MPND: variants seen among roughly 807,000 people sequenced by gnomAD.
MPND encodes MPN domain-containing protein.
In MPND, 56 loss-of-function variants were observed where a neutral mutation model predicts 59.2. The observed-to-expected ratio is 0.95, with a 90% CI of 0.76 to 1.18. The LOEUF is 1.18. MPND is among the 50% of genes most tolerant of loss of function. The pLI, the probability that MPND is intolerant of heterozygous loss-of-function variation, is 0.00. For missense variants in MPND, 671 were observed against 676.0 expected (o/e 0.99, Z 0.08); for synonymous variants, 323 against 291.9 (o/e 1.11, Z -1.09).
chr19:4,359,226 C>G lies in MPND; in HGVS notation c.1390C>G (p.Gln464Glu), dbSNP rs1972520237. The G allele has an allele frequency of 2.5e-6, 4 of 1,613,382 alleles. No individual in the cohort carries two copies. The highest frequency in any genetic ancestry group is 3.4e-6 in the Non-Finnish European group (4 of 1,179,742). ...DLVRLQEPWSQEHTYLDKLKI... is the reference protein window; with the variant it reads ...DLVRLQEPWSEEHTYLDKLKI... Reference sequence around the variant, plus strand: ...CGTGAGGCTCCAGGAACCCTGGAGCCAGGAGCACACCTACCTCGACAAGCT... The same window carrying G: ...CGTGAGGCTCCAGGAACCCTGGAGCGAGGAGCACACCTACCTCGACAAGCT... Residue 464 changes from glutamine (Q) to glutamate (E), a missense_variant, in exon 12 of 13, where the codon CAG (glutamine) becomes GAG (glutamate). By Grantham distance (29) the Gln-to-Glu change is conservative. Transcript: ENST00000599840.
intron 2 of MPND, among the ~76,000 whole-genome samples, 185 bp downstream of exon 2, chr19:4,344,179 C>A: frequency 6.9e-6 from 1 of 144,566 alleles, no homozygotes; most frequent in Non-Finnish European, 1.5e-5. Context: ...CCGTTGACTG[C>A]AGGAAGAGCT....
chr19:4,343,573 C>T lies in MPND; in HGVS notation c.-21C>T. 2 of 1,221,630 alleles carry T rather than the reference C, an allele frequency of 1.6e-6. No homozygotes were observed. The highest frequency in any genetic ancestry group is 2.0e-6 in the Non-Finnish European group (2 of 981,436). 75.7% of individuals were successfully genotyped at this position (1,221,630 alleles called of 1,614,324 possible). ...GCCGGGAAGCCGGAGTCTAGAGCTC[C>T]GGGCGCGGGGAGGCGCGGCCATGGC... On this transcript the variant is annotated 5_prime_UTR_variant, in exon 1 of 13. Transcript: ENST00000599840.
In MPND at chr19:4,354,579, G is replaced by T. The variant is rs575950360; in HGVS notation, c.846+159G>T. 1.2e-4 allele frequency: 78 copies of T among 662,728 alleles called. No individual in the cohort carries two copies. In the South Asian group the frequency reaches 1.4e-3, roughly 12 times the overall value. 41.1% of individuals were successfully genotyped at this position (662,728 alleles called of 1,614,324 possible). A position where few individuals can be genotyped will look rare whatever the true frequency, so the allele number is the denominator to read the frequency against. On this transcript the variant is annotated intron_variant, in intron 6 of 12. Coordinates refer to ENST00000599840, the MANE Select transcript of MPND (RefSeq NM_001300862.2). ...GTGCTCAATAAATGTATGAAGGAGG[G>T]TGCGTGGCCAGGCCCAGTGGCTCAC... is the stretch of plus-strand genomic sequence containing the variant.
chr19:4,358,254 G>A, intron 11 of MPND, 82 bp downstream of exon 11: 2 of 1,292,672 alleles, frequency 1.5e-6, no homozygotes, highest in Admixed American at 2.0e-5. Context: ...TCCCACCGGT[G>A]GGCTTGGGAA....
chr19:4,344,838 A>G (rs1446710806), intron 2 of MPND, among the ~76,000 whole-genome samples: 1 of 148,994 alleles, frequency 6.7e-6, no homozygotes, highest in East Asian at 2.0e-4. Flanking sequence ...TCCCGGTTCA[A>G]GCGATTTTCT....
chr19:4,352,784 T>C, intron 3 of MPND, 113 bp from the exon 4 acceptor site: 10 of 1,112,576 alleles, frequency 9.0e-6, no homozygotes, highest in Non-Finnish European at 1.2e-5. Context: ...AGTGGTCATG[T>C]GGGGCAATGG....
Position 4,360,054 on chromosome 19 carries a change from A to G in MPND, c.*52A>G, listed in dbSNP as rs1330980250. 6.8e-7 allele frequency: 1 copy of G among 1,474,456 alleles called. No homozygotes were observed. The highest frequency in any genetic ancestry group is 9.2e-7 in the Non-Finnish European group (1 of 1,082,120). The allele number at this position is 1,474,456 out of a possible 1,614,324, so 91.3% of individuals were successfully genotyped here. Reference sequence around the variant, plus strand: ...TTGTCTTGAGGGTCCGGATGGGCTCAGGTAATAAAGAAACGGAAGCAGCAG... The same window carrying G: ...TTGTCTTGAGGGTCCGGATGGGCTCGGGTAATAAAGAAACGGAAGCAGCAG... On this transcript the variant is annotated 3_prime_UTR_variant, in exon 13 of 13. Transcript: ENST00000599840.
chr19:4,346,377 C>T (rs575728277), intron 3 of MPND, among the ~76,000 whole-genome samples: 2 of 152,180 alleles, frequency 1.3e-5, no homozygotes, highest in African/African-American at 4.8e-5. Context: ...TGAGTGTTCA[C>T]CAGCCGGGTG....
intron 10 of MPND, 164 bp from the exon 11 acceptor site, chr19:4,357,919 A>C: frequency 1.6e-6 from 1 of 638,364 alleles, no homozygotes; most frequent in Non-Finnish European, 2.8e-6. Context: ...CACAGTAAGG[A>C]TGCTACACTG....
chr19:4,358,203 G>T, intron 11 of MPND, 31 bp downstream of exon 11: 1 of 1,530,806 alleles, frequency 6.5e-7, no homozygotes, highest in Non-Finnish European at 8.9e-7. Flanking sequence ...GCAGGCAGGG[G>T]CTGGCAGTGC....
At chr19:4,353,633 C>T (rs1599573928) in intron 4 of MPND, among the ~76,000 whole-genome samples, 1 of 152,114 alleles carries the variant, frequency 6.6e-6, no homozygotes, top group African/African-American at 2.4e-5. Flanking sequence ...GCAATCATGG[C>T]TAACTGCAGC....
At chr19:4,345,020 C>T (rs1245291710) in intron 2 of MPND, among the ~76,000 whole-genome samples, 1 of 129,960 alleles carries the variant, frequency 7.7e-6, no homozygotes, top group Non-Finnish European at 1.6e-5. Flanking sequence ...GGATTATAGG[C>T]GTGAGCCACC....
At chr19:4,358,399 G>A in intron 11 of MPND, 1 of 557,460 alleles carries the variant, frequency 1.8e-6, no homozygotes, top group Non-Finnish European at 3.2e-6. Context: ...TAAGGCACTG[G>A]CCTCTTCTGC....
At chr19:4,352,845 G>T (rs1972350659) in intron 3 of MPND, 52 bp from the exon 4 acceptor site, 2 of 1,312,942 alleles carry the variant, frequency 1.5e-6, no homozygotes, top group East Asian at 2.8e-5. Context: ...AGGGAGCGGG[G>T]GGGCACCCAG....
rs1241077513 is a variant in MPND, at chr19:4,343,716, C to A, written c.16C>A (p.Pro6Thr). 1.9e-5 allele frequency: 23 copies of A among 1,203,216 alleles called. No individual in the cohort carries two copies. The highest frequency in any genetic ancestry group is 2.4e-5 in the Non-Finnish European group (23 of 969,918). 74.5% of individuals were successfully genotyped at this position (1,203,216 alleles called of 1,614,324 possible). ...CCTCTCGCTGTCCGCAGCTCCGGAG[C>A]CGCTGTCCCCGGCGGGCGGTGCGGG... MAAPE[P>T]LSPAGGAGEE... Residue 6 changes from proline to threonine, a missense_variant, in exon 2 of 13, where the codon CCG (proline) becomes ACG (threonine). Transcript: ENST00000599840.
intron 3 of MPND, chr19:4,349,006 C>A: frequency 4.6e-6 from 1 of 217,028 alleles, no homozygotes; most frequent in South Asian, 7.8e-5. Context: ...GGAAGCAGGT[C>A]ATCACTGTTA....
chr19:4,354,828 C>A, intron 6 of MPND, 121 bp from the exon 7 acceptor site: 2 of 999,394 alleles, frequency 2.0e-6, no homozygotes, highest in Non-Finnish European at 2.9e-6. Flanking sequence ...CGTGCCACTG[C>A]CCTCCAGCCT....
chr19:4,354,991 C>CT lies in MPND; in HGVS notation c.890dup (p.Arg300ProfsTer118). 6.9e-7 allele frequency: 1 copy of CT among 1,456,538 alleles called. No homozygotes were observed. The highest frequency in any genetic ancestry group is 9.2e-7 in the Non-Finnish European group (1 of 1,091,096). 90.2% of individuals were successfully genotyped at this position (1,456,538 alleles called of 1,614,324 possible). The stretch of plus-strand genomic sequence containing the variant: ...GACACGGAGTGAGGTCGTGGGTTAC[C>CT]TGGGGGGCCGCTGGGACGTCAACAG... On this transcript the variant is annotated frameshift_variant, in exon 7 of 13. Coordinates refer to ENST00000599840, the MANE Select transcript of MPND (RefSeq NM_001300862.2). LOFTEE classifies it high-confidence loss of function.
At chr19:4,354,463 C>T in intron 6 of MPND, 43 bp downstream of exon 6, 1 of 1,513,486 alleles carries the variant, frequency 6.6e-7, no homozygotes. Context: ...CTCCGGAGCC[C>T]AGTCGGTGGG....
Sources: allele counts gnomAD v4.1 joint callset (sites outside exome capture counted in the v4.1 genomes callset), GRCh38; gene constraint gnomAD v4.1.1; transcripts MANE v1.5; gene names NCBI Gene and HGNC (gene_info 2026-07-23, HGNC 2026-07-21).